The following KIAA1671 variants were observed in gnomAD, a reference collection of about 807,000 sequenced individuals.
KIAA1671 encodes uncharacterized protein KIAA1671.
In KIAA1671, 52 loss-of-function variants were observed where a neutral mutation model predicts 131.2. The ratio of observed to expected loss-of-function variants is 0.40; its 90% confidence interval spans 0.32 to 0.50. The LOEUF (loss-of-function observed/expected upper bound fraction) is 0.50. KIAA1671 is among the 20% of genes least tolerant of loss of function. KIAA1671 has a pLI of 0.73. For missense variants in KIAA1671, 2,360 were observed against 2,364.2 expected (o/e 1.00, Z 0.04); for synonymous variants, 1,003 against 961.6 (o/e 1.04, Z -0.80).
At chr22:24,976,798 G>T (rs1308550718) in intron 1 of KIAA1671, among the ~76,000 whole-genome samples, 2 of 152,024 alleles carry the variant, frequency 1.3e-5, no homozygotes, top group Non-Finnish European at 2.9e-5. Context: ...GCCAGGTTGG[G>T]GTGCTTGGGC....
intron 6 of KIAA1671, among the ~76,000 whole-genome samples, chr22:25,169,978 A>G (rs1933787747): frequency 6.6e-6 from 1 of 152,056 alleles, no homozygotes; most frequent in South Asian, 2.1e-4. Context: ...GAGTGGTGCA[A>G]TCTTGGCTCA....
intron 1 of KIAA1671, among the ~76,000 whole-genome samples, chr22:24,956,743 G>A (rs975874487): frequency 6.6e-6 from 1 of 152,118 alleles, no homozygotes; most frequent in Admixed American, 6.5e-5. Context: ...GTGGTGGCGG[G>A]TGCCTGTAGT....
rs1465565963 is a variant in KIAA1671, at chr22:25,025,649, C to G, written c.-191C>G. On this transcript the variant is annotated 5_prime_UTR_variant, in exon 2 of 13. Transcript: ENST00000358431. The stretch of plus-strand genomic sequence containing the variant: ...TCTCCTTAGACCTGCTGAAACTCAG[C>G]CTGCTGGGACGAGTCTTCTTTCCCC... 1 of 152,216 alleles carries G rather than the reference C, an allele frequency of 6.6e-6. No individual in the cohort carries two copies. Among genetic ancestry groups the G allele is most frequent in the East Asian group, 1.9e-4 (1 of 5,192 alleles). 9.4% of individuals were successfully genotyped at this position (152,216 alleles called of 1,614,324 possible). A position where few individuals can be genotyped will look rare whatever the true frequency, so the allele number is the denominator to read the frequency against.
intron 1 of KIAA1671, among the ~76,000 whole-genome samples, chr22:24,960,298 C>A (rs1295920008): frequency 6.6e-6 from 1 of 151,626 alleles, no homozygotes; most frequent in African/African-American, 2.4e-5. Flanking sequence ...GGCCTGTAAT[C>A]CCAGCACTTT....
At chr22:24,982,586 G>T (rs750473027) in intron 1 of KIAA1671, among the ~76,000 whole-genome samples, 1 of 152,232 alleles carries the variant, frequency 6.6e-6, no homozygotes, top group South Asian at 2.1e-4. Flanking sequence ...TGTTTCTTGA[G>T]CGGCCTTTGC....
chr22:25,186,677 C>T (rs1366932075), intron 11 of KIAA1671, among the ~76,000 whole-genome samples: 1 of 152,204 alleles, frequency 6.6e-6, no homozygotes, highest in Non-Finnish European at 1.5e-5. Flanking sequence ...AGCTGGACCA[C>T]GGGCAGTGAG....
intron 6 of KIAA1671, among the ~76,000 whole-genome samples, chr22:25,125,037 G>A (rs1373774167): frequency 1.3e-5 from 2 of 152,212 alleles, no homozygotes; most frequent in East Asian, 3.9e-4. Flanking sequence ...GGGATTACAG[G>A]CATGAGCCAC....
intron 6 of KIAA1671, among the ~76,000 whole-genome samples, chr22:25,166,825 C>A (rs867451214): frequency 6.6e-6 from 1 of 152,292 alleles, no homozygotes; most frequent in Middle Eastern, 3.4e-3. Context: ...CCCTGCCCTG[C>A]GTCCCCACCC....
rs1568951463 is a variant in KIAA1671 at position 25,093,816 on chromosome 22, CTCTCTCTTTCTCTCTCTGTCTG to C, written c.4530+44460_4530+44481del. ...TCTCTCTCTCTCTCTCTCTCTGTCTCTCTCTCTTTCTCTCTCTGTCTGTCTCTCTCTCTCTCTCTCTCTCTCT... is the reference window on the plus strand; with the variant it reads ...TCTCTCTCTCTCTCTCTCTCTGTCTCTCTCTCTCTCTCTCTCTCTCTCTCT... On this transcript the variant is annotated intron_variant, in intron 6 of 12. Transcript: ENST00000358431. 6.6e-4 allele frequency among the ~76,000 whole-genome samples: 61 copies of C among 93,124 alleles called. 6 individuals carry two copies. The highest frequency in any genetic ancestry group is 9.7e-4 in the Admixed American group (9 of 9,322). The allele number at this position is 93,124 out of a possible 152,430, so 61.1% of individuals were successfully genotyped here. A position where few individuals can be genotyped will look rare whatever the true frequency, so the allele number is the denominator to read the frequency against.
intron 1 of KIAA1671, among the ~76,000 whole-genome samples, chr22:24,958,068 T>C (rs1339394649): frequency 1.3e-5 from 2 of 150,972 alleles, no homozygotes; most frequent in African/African-American, 2.4e-5. Context: ...TTCAAGAGGT[T>C]ATTGATGTGC....
At chr22:25,034,194 C>G (rs919669292) in intron 4 of KIAA1671, among the ~76,000 whole-genome samples, 6 of 151,926 alleles carry the variant, frequency 3.9e-5, no homozygotes, top group Admixed American at 2.6e-4. Context: ...TACAGGCACC[C>G]ACTACCACGC....
intron 4 of KIAA1671, among the ~76,000 whole-genome samples, chr22:25,034,070 G>T (rs1309328583): frequency 6.9e-6 from 1 of 145,452 alleles, no homozygotes; most frequent in East Asian, 2.0e-4. Flanking sequence ...TTTTGGAAAC[G>T]GAGTTTTGCT....
chr22:25,048,994 GA>G (rs1340994259), intron 5 of KIAA1671: 1 of 508,028 alleles, frequency 2.0e-6, no homozygotes, highest in Non-Finnish European at 3.5e-6. Context: ...TTGAGGCTCA[GA>G]GAGGTTGAGG....
chr22:25,127,726 TC>T (rs1192078941), intron 6 of KIAA1671, among the ~76,000 whole-genome samples: 1 of 152,256 alleles, frequency 6.6e-6, no homozygotes, highest in African/African-American at 2.4e-5. Flanking sequence ...TGTTGGATTT[TC>T]TTTTCCTCTT....
intron 6 of KIAA1671, among the ~76,000 whole-genome samples, chr22:25,087,218 A>C (rs5760844): frequency 0.65 from 96,303 of 148,412 alleles, 31,951 homozygotes; most frequent in African/African-American, 0.82. Context: ...TGCTTTTCCA[A>C]ACTTCTCATG....
intron 6 of KIAA1671, among the ~76,000 whole-genome samples, chr22:25,074,511 A>G (rs1441159024): frequency 6.8e-6 from 1 of 147,690 alleles, no homozygotes; most frequent in Non-Finnish European, 1.5e-5. Context: ...AAAAAAAAAA[A>G]AAAAAAGAAA....
intron 1 of KIAA1671, among the ~76,000 whole-genome samples, chr22:25,020,902 G>A (rs1173563056): frequency 2.6e-5 from 4 of 152,084 alleles, no homozygotes; most frequent in Non-Finnish European, 4.4e-5. Flanking sequence ...GTAGGGCCTC[G>A]GGGAAGAAGT....
intron 5 of KIAA1671, among the ~76,000 whole-genome samples, chr22:25,046,356 T>C (rs1927226699): frequency 1.0e-5 from 1 of 100,464 alleles, no homozygotes; most frequent in East Asian, 2.0e-4. Context: ...TGGGTGAGGG[T>C]TTCTTGATTT....
intron 6 of KIAA1671, among the ~76,000 whole-genome samples, chr22:25,150,526 C>G (rs1407179565): frequency 6.6e-6 from 1 of 152,150 alleles, no homozygotes; most frequent in African/African-American, 2.4e-5. Flanking sequence ...TTCGGGCTGC[C>G]CCTGCCTCCC....
Sources: allele counts gnomAD v4.1 joint callset (sites outside exome capture counted in the v4.1 genomes callset), GRCh38; gene constraint gnomAD v4.1.1; transcripts MANE v1.5; gene names NCBI Gene and HGNC (gene_info 2026-07-23, HGNC 2026-07-21).